Variants in ERI3 observed in about 807,000 individuals in gnomAD.
ERI3 encodes ERI1 exoribonuclease family member 3.
A neutral mutation model predicts 44.4 loss-of-function variants in ERI3; 18 were observed. The ratio of observed to expected loss-of-function variants is 0.41; its 90% CI spans 0.28 to 0.60. The LOEUF (loss-of-function observed/expected upper bound fraction) is 0.60. Among genes scored for constraint, ERI3 ranks in the 20% least tolerant of loss-of-function variants. The pLI is 0.36. For synonymous variants in ERI3, 183 were observed against 164.8 expected, an observed-to-expected ratio of 1.11 and a Z score of -0.84; for missense variants, 294 against 435.5, an observed-to-expected ratio of 0.68 and a Z score of 2.89.
intron 8 of ERI3, among the ~76,000 whole-genome samples, chr1:44,234,938 A>G (rs1007292005): frequency 3.9e-5 from 6 of 152,112 alleles, no homozygotes; most frequent in Non-Finnish European, 7.4e-5. Flanking sequence ...CACAGTACCA[A>G]TGTTAATTTT....
chr1:44,263,443 A>C (rs533871514), intron 7 of ERI3, among the ~76,000 whole-genome samples: 2 of 152,322 alleles, frequency 1.3e-5, no homozygotes, highest in East Asian at 3.9e-4. Flanking sequence ...AGGGTTCCAG[A>C]AACTTGGAAT....
At chr1:44,270,213 C>G (rs1185097138) in intron 7 of ERI3, among the ~76,000 whole-genome samples, 1 of 152,224 alleles carries the variant, frequency 6.6e-6, no homozygotes, top group Non-Finnish European at 1.5e-5. Context: ...TTTACCCTCT[C>G]AGACTCAATA....
At chr1:44,260,159 C>T (rs1259849330) in intron 7 of ERI3, among the ~76,000 whole-genome samples, 2 of 152,224 alleles carry the variant, frequency 1.3e-5, no homozygotes, top group East Asian at 1.9e-4. Context: ...TGTAGACCTG[C>T]GCTCAAAGAA....
At chr1:44,329,034 T>C (rs1355377871) in intron 3 of ERI3, among the ~76,000 whole-genome samples, 2 of 152,186 alleles carry the variant, frequency 1.3e-5, no homozygotes, top group Admixed American at 6.5e-5. Flanking sequence ...CTGCTTCCTT[T>C]AGGAATACTG....
chr1:44,351,214 A>G (rs553793667), intron 2 of ERI3, among the ~76,000 whole-genome samples: 7 of 152,108 alleles, frequency 4.6e-5, no homozygotes, highest in Non-Finnish European at 8.8e-5. Flanking sequence ...TTGTGTTTTT[A>G]GTAGAGACAG....
At chr1:44,281,161 G>T (rs763468307) in intron 7 of ERI3, among the ~76,000 whole-genome samples, 3 of 152,252 alleles carry the variant, frequency 2.0e-5, no homozygotes, top group Middle Eastern at 3.4e-3. Context: ...TACTAAGTTA[G>T]TTCCTTCTTA....
intron 7 of ERI3, among the ~76,000 whole-genome samples, chr1:44,284,274 A>G (rs924552873): frequency 6.6e-6 from 1 of 152,176 alleles, no homozygotes; most frequent in Non-Finnish European, 1.5e-5. Context: ...TTGATTCTAC[A>G]TAAGTTCCAG....
At chr1:44,325,402 G>A (rs1646291795) in intron 3 of ERI3, among the ~76,000 whole-genome samples, 2 of 152,128 alleles carry the variant, frequency 1.3e-5, no homozygotes, top group Admixed American at 6.5e-5. Context: ...TGCTCAGCTA[G>A]GAACCCCCAA....
chr1:44,337,524 T>TA (rs903924412), intron 3 of ERI3, among the ~76,000 whole-genome samples: 3 of 152,164 alleles, frequency 2.0e-5, no homozygotes, highest in African/African-American at 7.2e-5. Context: ...GCAGAGAACG[T>TA]AAGTGTGGCT....
chr1:44,347,879 TTGTGTGTGTGTGTG>T (rs113526509), intron 2 of ERI3, among the ~76,000 whole-genome samples: 1 of 148,786 alleles, frequency 6.7e-6, no homozygotes, highest in African/African-American at 2.5e-5. Flanking sequence ...GATTGTTTTG[TTGTGTGTGTGTGTG>T]TGTGTGTGTG....
chr1:44,305,709 A>C (rs572977655), intron 6 of ERI3, among the ~76,000 whole-genome samples: 1 of 150,648 alleles, frequency 6.6e-6, no homozygotes, highest in Admixed American at 6.6e-5. Flanking sequence ...TGCCCCACTT[A>C]TCAGCCCCTT....
intron 6 of ERI3, among the ~76,000 whole-genome samples, chr1:44,288,763 C>A (rs1053504367): frequency 6.6e-6 from 1 of 152,088 alleles, no homozygotes; most frequent in Admixed American, 6.5e-5. Flanking sequence ...GTGGTCACTG[C>A]TCAAGGTCAC....
At chr1:44,238,957 G>A (rs1572083342) in intron 8 of ERI3, among the ~76,000 whole-genome samples, 2 of 152,026 alleles carry the variant, frequency 1.3e-5, no homozygotes, top group African/African-American at 2.4e-5. Flanking sequence ...GGGGATGAGG[G>A]AGTAACTAAT....
chr1:44,341,201 C>G (rs1170545855), intron 2 of ERI3, among the ~76,000 whole-genome samples: 2 of 152,176 alleles, frequency 1.3e-5, no homozygotes, highest in Non-Finnish European at 2.9e-5. Context: ...CACTTACTAC[C>G]CATGGCACCT....
intron 4 of ERI3, among the ~76,000 whole-genome samples, chr1:44,318,426 G>C (rs183344592): frequency 2.0e-4 from 31 of 152,158 alleles, no homozygotes; most frequent in African/African-American, 7.5e-4. Flanking sequence ...TCAGATTAGC[G>C]CCCCCTGGTG....
chr1:44,304,860 C>G (rs1572231852), intron 6 of ERI3, among the ~76,000 whole-genome samples: 1 of 152,218 alleles, frequency 6.6e-6, no homozygotes, highest in East Asian at 1.9e-4. Context: ...CACACCCCAG[C>G]AAGAAGGCAG....
rs111791552 is a variant in ERI3 at position 44,290,501 on chromosome 1, G to A, written c.759-5594C>T. 5.3e-3 allele frequency among the ~76,000 whole-genome samples: 805 copies of A among 152,274 alleles called. 7 individuals carry two copies. Among genetic ancestry groups the A allele is most frequent in the African/African-American group, 0.018 (756 of 41,568 alleles). On this transcript the variant is annotated intron_variant, in intron 6 of 8. Coordinates refer to ENST00000372257, the MANE Select transcript of ERI3 (RefSeq NM_024066.3). ...CGGCCCTGCAGCTCATAACTGCCAC[G>A]ATTTCCTATGCTTCTCTCCAAGTCT...
intron 3 of ERI3, among the ~76,000 whole-genome samples, chr1:44,334,850 G>T (rs768359003): frequency 6.6e-6 from 1 of 152,226 alleles, no homozygotes; most frequent in South Asian, 2.1e-4. Flanking sequence ...AGTTTTTCGT[G>T]ATGGCATTCC....
intron 7 of ERI3, among the ~76,000 whole-genome samples, chr1:44,254,528 A>C (rs1247051789): frequency 6.6e-6 from 1 of 152,010 alleles, no homozygotes; most frequent in Non-Finnish European, 1.5e-5. Context: ...CCTAGAGCAC[A>C]CCTTTTCTGG....
Sources: gnomAD v4.1 joint callset for allele counts (sites outside exome capture counted in the v4.1 genomes callset) on GRCh38, gnomAD v4.1.1 for gene constraint, MANE v1.5 for transcripts, NCBI Gene and HGNC (gene_info 2026-07-23, HGNC 2026-07-21) for gene names.